Variants in CTIF observed in about 807,000 individuals in gnomAD.
CTIF encodes the protein CBP80/20-dependent translation initiation factor.
Under a neutral mutation model 66.0 loss-of-function variants are expected in CTIF, and 21 were observed. That is an observed-to-expected ratio of 0.32 (90% CI 0.23 to 0.46). CTIF has a LOEUF of 0.46. Among genes scored for constraint, CTIF ranks in the 20% least tolerant of loss-of-function variants. The probability of loss-of-function intolerance (pLI) is 1.00; values close to 1 mark genes in which losing one functional copy is unlikely to be tolerated. For missense variants in CTIF, 739 were observed against 812.7 expected (o/e 0.91, Z 1.10); for synonymous variants, 345 against 326.4 (o/e 1.06, Z -0.62).
rs184915239 is a variant in CTIF at position 48,561,166 on chromosome 18, G to A, written c.-29+21854G>A. Among the ~76,000 whole-genome samples the A allele has an allele frequency of 2.2e-4, 33 of 149,864 alleles. No individual in the cohort carries two copies. In the East Asian group the frequency reaches 5.3e-3, roughly 24 times the overall value. On this transcript the variant is annotated intron_variant, in intron 1 of 11. Coordinates refer to ENST00000256413, the MANE Select transcript of CTIF (RefSeq NM_014772.3). The stretch of plus-strand genomic sequence containing the variant: ...AGGCAGGAAATCACTTGAACCTGGC[G>A]TGTGGAGGTTGCAGTGAGCCAAGAT...
intron 9 of CTIF, among the ~76,000 whole-genome samples, chr18:48,780,327 C>A (rs1257135134): frequency 6.6e-6 from 1 of 152,184 alleles, no homozygotes; most frequent in Admixed American, 6.5e-5. Flanking sequence ...CAGAGTGCTA[C>A]CCGGAGAAAG....
chr18:48,588,488 C>T (rs971355819), intron 1 of CTIF, among the ~76,000 whole-genome samples: 1 of 152,232 alleles, frequency 6.6e-6, no homozygotes, highest in Admixed American at 6.5e-5. Flanking sequence ...ACCATGTGGT[C>T]CCAAATCTAG....
intron 9 of CTIF, among the ~76,000 whole-genome samples, chr18:48,776,138 A>G (rs1446259694): frequency 6.6e-6 from 1 of 152,220 alleles, no homozygotes; most frequent in Non-Finnish European, 1.5e-5. Flanking sequence ...TTGCTGAGGC[A>G]GGTGGTGTGG....
intron 1 of CTIF, among the ~76,000 whole-genome samples, chr18:48,583,291 G>C (rs1466495813): frequency 1.3e-5 from 2 of 152,198 alleles, no homozygotes; most frequent in Non-Finnish European, 2.9e-5. Flanking sequence ...GGCAGAGCAG[G>C]GGAAAGGAAT....
chr18:48,644,826 G>C (rs1426439272), intron 3 of CTIF, among the ~76,000 whole-genome samples: 1 of 152,202 alleles, frequency 6.6e-6, no homozygotes, highest in East Asian at 1.9e-4. Context: ...GGCAAAGTGG[G>C]AGCCGCCATG....
chr18:48,540,084 C>T (rs2088570299), intron 1 of CTIF: 1 of 152,214 alleles, frequency 6.6e-6, no homozygotes, highest in Non-Finnish European at 1.5e-5. Flanking sequence ...GCGGGGGGAG[C>T]GGGGGATGGG....
At chr18:48,780,255 C>T (rs1376659527) in intron 9 of CTIF, among the ~76,000 whole-genome samples, 3 of 152,200 alleles carry the variant, frequency 2.0e-5, no homozygotes, top group Admixed American at 6.5e-5. Flanking sequence ...GGGTGTGAGC[C>T]AAGGCAGCCT....
intron 9 of CTIF, among the ~76,000 whole-genome samples, chr18:48,767,804 G>T (rs544210684): frequency 2.1e-4 from 32 of 152,320 alleles, no homozygotes; most frequent in African/African-American, 6.5e-4. Flanking sequence ...CAGAGTTTCT[G>T]GCTGGGTCAT....
chr18:48,592,697 A>C (rs2089912257), intron 1 of CTIF, among the ~76,000 whole-genome samples: 1 of 152,132 alleles, frequency 6.6e-6, no homozygotes, highest in African/African-American at 2.4e-5. Flanking sequence ...AACTTTTGTC[A>C]TTGTTAACAG....
intron 10 of CTIF, among the ~76,000 whole-genome samples, chr18:48,825,614 T>C (rs2068568165): frequency 6.6e-6 from 1 of 152,164 alleles, no homozygotes; most frequent in African/African-American, 2.4e-5. Context: ...CAGAGGCACC[T>C]TTCCAGGCGG....
chr18:48,585,873 C>T (rs1330400972), intron 1 of CTIF, among the ~76,000 whole-genome samples: 2 of 152,184 alleles, frequency 1.3e-5, no homozygotes, highest in African/African-American at 2.4e-5. Flanking sequence ...CTTTCTGTTT[C>T]ATATAGATTC....
chr18:48,818,369 G>C (rs1373520824), intron 10 of CTIF, among the ~76,000 whole-genome samples: 3 of 152,190 alleles, frequency 2.0e-5, no homozygotes, highest in Admixed American at 2.0e-4. Flanking sequence ...AAGGGAGGAG[G>C]GGACATGGGC....
At chr18:48,788,169 G>A (rs1055819602) in intron 9 of CTIF, among the ~76,000 whole-genome samples, 7 of 152,176 alleles carry the variant, frequency 4.6e-5, no homozygotes, top group Non-Finnish European at 1.0e-4. Flanking sequence ...GAAGAAACCT[G>A]AATTTGGGGT....
At chr18:48,686,084 C>T (rs1375442053) in intron 6 of CTIF, among the ~76,000 whole-genome samples, 1 of 152,220 alleles carries the variant, frequency 6.6e-6, no homozygotes, top group African/African-American at 2.4e-5. Context: ...CAAATTTTAG[C>T]ATTCCTTAAT....
chr18:48,842,488 G>A (rs886397892), intron 10 of CTIF, among the ~76,000 whole-genome samples: 4 of 152,198 alleles, frequency 2.6e-5, no homozygotes, highest in African/African-American at 9.7e-5. Context: ...TCCTGTTAGC[G>A]CGGAAGGGAG....
At chr18:48,575,919 C>CT (rs1407771519) in intron 1 of CTIF, among the ~76,000 whole-genome samples, 1 of 152,272 alleles carries the variant, frequency 6.6e-6, no homozygotes, top group Non-Finnish European at 1.5e-5. Context: ...TTTGCTGACT[C>CT]TAACTCTTGC....
chr18:48,786,599 C>T (rs1230054702), intron 9 of CTIF, among the ~76,000 whole-genome samples: 3 of 152,190 alleles, frequency 2.0e-5, no homozygotes, highest in African/African-American at 4.8e-5. Context: ...CTAAGGATTA[C>T]GACTGTGAAC....
chr18:48,699,250 C>T (rs201549056), intron 6 of CTIF, among the ~76,000 whole-genome samples: 1 of 152,226 alleles, frequency 6.6e-6, no homozygotes, highest in Non-Finnish European at 1.5e-5. Context: ...TGCCCTTGAG[C>T]AGGTTCACAG....
At chr18:48,642,529 T>C (rs1157010106) in intron 3 of CTIF, among the ~76,000 whole-genome samples, 1 of 152,168 alleles carries the variant, frequency 6.6e-6, no homozygotes, top group African/African-American at 2.4e-5. Context: ...TATTGGGTGT[T>C]ACTCAAGTGG....
Sources: allele counts gnomAD v4.1 joint callset (sites outside exome capture counted in the v4.1 genomes callset), GRCh38; gene constraint gnomAD v4.1.1; transcripts MANE v1.5; gene names NCBI Gene and HGNC (gene_info 2026-07-23, HGNC 2026-07-21).